Variants in ROCK2 observed in about 807,000 individuals in gnomAD.
ROCK2 encodes the protein Rho associated coiled-coil containing protein kinase 2.
Under a neutral mutation model 195.1 loss-of-function variants are expected in ROCK2, and 61 were observed. The ratio of observed to expected loss-of-function variants is 0.31; its 90% confidence interval spans 0.25 to 0.39. The LOEUF (loss-of-function observed/expected upper bound fraction) is 0.39. Among genes scored for constraint, ROCK2 ranks in the 10% least tolerant of loss-of-function variants. ROCK2 has a pLI of 1.00. For missense variants in ROCK2, 1,109 were observed against 1,637.4 expected, an observed-to-expected ratio of 0.68 and a Z score of 5.57; for synonymous variants, 504 against 545.5, an observed-to-expected ratio of 0.92 and a Z score of 1.06.
intron 20 of ROCK2, among the ~76,000 whole-genome samples, chr2:11,204,068 A>G (rs1282714913): frequency 6.6e-6 from 1 of 152,230 alleles, no homozygotes; most frequent in East Asian, 1.9e-4. Flanking sequence ...AGAAATTACA[A>G]TGAGAAGTAG....
intron 3 of ROCK2, among the ~76,000 whole-genome samples, chr2:11,268,522 C>CTCTG (rs71393865): frequency 4.3e-4 from 61 of 140,656 alleles, no homozygotes; most frequent in Non-Finnish European, 7.5e-4. Context: ...CAGTTTTGCA[C>CTCTG]TGTGTGTGTG....
At chr2:11,336,568 T>C (rs1239555858) in intron 1 of ROCK2, among the ~76,000 whole-genome samples, 4 of 151,930 alleles carry the variant, frequency 2.6e-5, no homozygotes, top group South Asian at 2.1e-4. Flanking sequence ...GACTTTTGAA[T>C]TGAGCATGGG....
rs916974866 is a variant in ROCK2 at position 11,197,851 on chromosome 2, A to G, written c.3100-146T>C. The G allele has an allele frequency of 4.6e-6, 2 of 432,414 alleles. No individual in the cohort carries two copies. Among genetic ancestry groups the G allele is most frequent in the Non-Finnish European group, 7.7e-6 (2 of 259,926 alleles). The allele number at this position is 432,414 out of a possible 1,614,324, so 26.8% of individuals were successfully genotyped here. A position where few individuals can be genotyped will look rare whatever the true frequency, so the allele number is the denominator to read the frequency against. ...GGGCTACAAAGAAACACTTTCTATA[A>G]TATTTAAATAATACACCTCCTTTAC... is the stretch of plus-strand genomic sequence containing the variant. On this transcript the variant is annotated intron_variant, in intron 25 of 32. Coordinates refer to ENST00000315872, the MANE Select transcript of ROCK2 (RefSeq NM_004850.5). The surrounding 1 kb of genome is among the most constrained non-coding windows in gnomAD (Gnocchi z 4.9).
Position 11,181,163 on chromosome 2 carries a change from TTAA to T in ROCK2, c.*2271_*2273del, listed in dbSNP as rs1181969034. On this transcript the variant is annotated 3_prime_UTR_variant, in exon 33 of 33. Coordinates refer to ENST00000315872, the MANE Select transcript of ROCK2 (RefSeq NM_004850.5). ...TATGTAAACTTGAAATTATTTCACC[TTAA>T]TAAAGTTTATTAAAAATATATATAT... The T allele has an allele frequency of 7.3e-6, 1 of 136,834 alleles. No homozygotes were observed. The highest frequency in any genetic ancestry group is 1.5e-5 in the Non-Finnish European group (1 of 65,142). The allele number at this position is 136,834 out of a possible 1,614,324, so 8.5% of individuals were successfully genotyped here. A position where few individuals can be genotyped will look rare whatever the true frequency, so the allele number is the denominator to read the frequency against.
In ROCK2 at chr2:11,214,478, G is replaced by A. The variant is rs770243410; in HGVS notation, c.1937-15C>T. 11 of 1,446,954 alleles carry A rather than the reference G, an allele frequency of 7.6e-6. No homozygotes were observed. The highest frequency in any genetic ancestry group is 4.8e-5 in the South Asian group (4 of 84,120). The allele number at this position is 1,446,954 out of a possible 1,614,324, so 89.6% of individuals were successfully genotyped here. ...ACATATTCTACCTAAAAATTGCAACGTTTTTTTAAAACATTAAACCCACAA... is the reference window on the plus strand; with the variant it reads ...ACATATTCTACCTAAAAATTGCAACATTTTTTTAAAACATTAAACCCACAA... On this transcript the variant is annotated splice_polypyrimidine_tract_variant and intron_variant, in intron 16 of 32. Coordinates refer to ENST00000315872, the MANE Select transcript of ROCK2 (RefSeq NM_004850.5).
At chr2:11,228,966 G>A (rs1425247231) in intron 5 of ROCK2, among the ~76,000 whole-genome samples, 2 of 152,042 alleles carry the variant, frequency 1.3e-5, no homozygotes, top group African/African-American at 2.4e-5. Context: ...AAAGAAACAG[G>A]AACAACCTGG....
chr2:11,327,900 A>C (rs1668596042), intron 1 of ROCK2, among the ~76,000 whole-genome samples: 1 of 152,208 alleles, frequency 6.6e-6, no homozygotes, highest in African/African-American at 2.4e-5. Flanking sequence ...TTACTTTTGT[A>C]ATTTAAAAAA....
chr2:11,191,237 A>G (rs995381587), intron 32 of ROCK2, among the ~76,000 whole-genome samples: 1 of 152,212 alleles, frequency 6.6e-6, no homozygotes, highest in Non-Finnish European at 1.5e-5. Context: ...ATGTTTATAA[A>G]TGCTGAAGTA....
At chr2:11,337,673 C>T (rs1668973570) in intron 1 of ROCK2, among the ~76,000 whole-genome samples, 1 of 151,580 alleles carries the variant, frequency 6.6e-6, no homozygotes, top group Non-Finnish European at 1.5e-5. Flanking sequence ...ACTCTTGTTG[C>T]CCAGGCTGGA....
chr2:11,238,808 C>T lies in ROCK2; in HGVS notation c.463-2846G>A, dbSNP rs150045485. On this transcript the variant is annotated intron_variant, in intron 4 of 32. Transcript: ENST00000315872. Reference sequence around the variant, plus strand: ...TTTACAGTGAGTTACAATTGCACCACTGTACTCCAGTCTGCGCAACACAGT... The same window carrying T: ...TTTACAGTGAGTTACAATTGCACCATTGTACTCCAGTCTGCGCAACACAGT... Among the ~76,000 whole-genome samples the T allele has an allele frequency of 7.1e-3, 1,082 of 152,260 alleles. 15 individuals carry two copies. Among genetic ancestry groups the T allele is most frequent in the African/African-American group, 0.025 (1,031 of 41,536 alleles).
At position 11,215,094 on chromosome 2, in the gene ROCK2, T is replaced by A; in HGVS notation, c.1690-8A>T. ...AGCATTGGTTTCATCCAGCTGTTAT[T>A]CCATTCAAAACCAAACAACAACAAA... On this transcript the variant is annotated splice_region_variant and splice_polypyrimidine_tract_variant and intron_variant, in intron 15 of 32. Coordinates refer to ENST00000315872, the MANE Select transcript of ROCK2 (RefSeq NM_004850.5). 6.2e-7 allele frequency: 1 copy of A among 1,613,820 alleles called. No individual in the cohort carries two copies. The highest frequency in any genetic ancestry group is 8.5e-7 in the Non-Finnish European group (1 of 1,179,836).
rs1458216894 is a variant in ROCK2 at position 11,180,604 on chromosome 2, T to TA, written c.*2832dup. 6.6e-6 allele frequency: 1 copy of TA among 152,118 alleles called. No homozygotes were observed. The highest frequency in any genetic ancestry group is 2.4e-5 in the African/African-American group (1 of 41,426). 9.4% of individuals were successfully genotyped at this position (152,118 alleles called of 1,614,324 possible). A position where few individuals can be genotyped will look rare whatever the true frequency, so the allele number is the denominator to read the frequency against. On this transcript the variant is annotated 3_prime_UTR_variant, in exon 33 of 33. Coordinates refer to ENST00000315872, the MANE Select transcript of ROCK2 (RefSeq NM_004850.5). ...TCTCGTTATCCCCACAAAACAAAAGTAAAAAATCCAATAAGAAAATCCCAG... is the reference window on the plus strand; with the variant it reads ...TCTCGTTATCCCCACAAAACAAAAGTAAAAAAATCCAATAAGAAAATCCCAG...
chr2:11,257,242 G>A (rs752076680), intron 3 of ROCK2, among the ~76,000 whole-genome samples: 5 of 148,804 alleles, frequency 3.4e-5, no homozygotes, highest in African/African-American at 7.7e-5. Flanking sequence ...AAGGCCGAAC[G>A]CCTCAGAGAA....
At chr2:11,313,354 G>A (rs1324300775) in intron 1 of ROCK2, among the ~76,000 whole-genome samples, 1 of 151,892 alleles carries the variant, frequency 6.6e-6, no homozygotes, top group African/African-American at 2.4e-5. Flanking sequence ...GTGAATAAAT[G>A]GGACAAATTT....
At chr2:11,319,945 A>C (rs1316511413) in intron 1 of ROCK2, among the ~76,000 whole-genome samples, 1 of 152,158 alleles carries the variant, frequency 6.6e-6, no homozygotes, top group Non-Finnish European at 1.5e-5. Context: ...AAACACCTTA[A>C]AACTATTCAG....
chr2:11,198,886 T>TA (rs1233684735), intron 23 of ROCK2, 112 bp from the exon 24 acceptor site: 1 of 593,542 alleles, frequency 1.7e-6, no homozygotes, highest in Non-Finnish European at 2.7e-6. Context: ...TATTTTTCTT[T>TA]TTTTTTTTTT....
In ROCK2 at chr2:11,217,164, CT is replaced by C; in HGVS notation, c.1337del (p.Gln446ArgfsTer7). On this transcript the variant is annotated frameshift_variant, in exon 12 of 33. Coordinates refer to ENST00000315872, the MANE Select transcript of ROCK2 (RefSeq NM_004850.5). LOFTEE classifies it high-confidence loss of function. The part of the protein sequence containing the change: ...SRKNEESQEI[Q>X]KKLYTLEEHL... Reference sequence around the variant, plus strand: ...GTTCTTCTAATGTATACAGTTTTTTCTGAATCTGTCAAAAAACAAGAAACTG... The same window carrying C: ...GTTCTTCTAATGTATACAGTTTTTTCGAATCTGTCAAAAAACAAGAAACTG... The C allele has an allele frequency of 6.6e-7, 1 of 1,520,384 alleles. No homozygotes were observed. The highest frequency in any genetic ancestry group is 9.1e-7 in the Non-Finnish European group (1 of 1,099,424). 94.2% of individuals were successfully genotyped at this position (1,520,384 alleles called of 1,614,324 possible).
intron 3 of ROCK2, among the ~76,000 whole-genome samples, chr2:11,269,909 TA>T (rs1666565548): frequency 6.6e-6 from 1 of 152,042 alleles, no homozygotes; most frequent in African/African-American, 2.4e-5. Context: ...TGCCACCACA[TA>T]TGGCTAATTA....
rs558445158 is a variant in ROCK2, at chr2:11,202,756, A to G, written c.2550-635T>C. Among the ~76,000 whole-genome samples the G allele has an allele frequency of 3.9e-4, 59 of 152,266 alleles. No individual in the cohort carries two copies. The East Asian group carries it at 0.011, about 27-fold the overall frequency. On this transcript the variant is annotated intron_variant, in intron 20 of 32. Coordinates refer to ENST00000315872, the MANE Select transcript of ROCK2 (RefSeq NM_004850.5). ...TGTGATCTGCCCACCTCAGCCTCCC[A>G]AAGTGCTGGGATTACAGGCGTGAGC...
Sources: allele counts gnomAD v4.1 joint callset (sites outside exome capture counted in the v4.1 genomes callset), GRCh38; gene constraint gnomAD v4.1.1; non-coding constraint Gnocchi (gnomAD v3.1); transcripts MANE v1.5; gene names NCBI Gene and HGNC (gene_info 2026-07-23, HGNC 2026-07-21).